The following ASTN2 variants were observed in gnomAD, a reference collection of about 807,000 sequenced individuals.
ASTN2 encodes the protein astrotactin-2.
A neutral mutation model predicts 139.8 loss-of-function variants in ASTN2; 54 were observed. That is an observed-to-expected ratio of 0.39 (90% CI 0.31 to 0.48). ASTN2 has a LOEUF of 0.48. Among genes scored for constraint, ASTN2 ranks in the 20% least tolerant of loss-of-function variants. The probability of loss-of-function intolerance (pLI) is 0.95; values close to 1 mark genes in which losing one functional copy is unlikely to be tolerated. For synonymous variants in ASTN2, 756 were observed against 719.5 expected (o/e 1.05, Z -0.81); for missense variants, 1,565 against 1,725.1 (o/e 0.91, Z 1.64).
chr9:116,435,905 C>A (rs887588700), intron 22 of ASTN2, among the ~76,000 whole-genome samples: 1 of 151,896 alleles, frequency 6.6e-6, no homozygotes, highest in East Asian at 1.9e-4. Flanking sequence ...AGACCTAACC[C>A]AGACTACTGA....
chr9:116,651,299 T>C (rs1032023690), intron 17 of ASTN2, among the ~76,000 whole-genome samples: 3 of 152,140 alleles, frequency 2.0e-5, no homozygotes, highest in African/African-American at 7.2e-5. Context: ...ACAAAAACCT[T>C]GATTGTATTA....
intron 16 of ASTN2, among the ~76,000 whole-genome samples, chr9:116,675,521 T>G (rs1407163362): frequency 6.6e-6 from 1 of 152,158 alleles, no homozygotes; most frequent in Non-Finnish European, 1.5e-5. Flanking sequence ...AGTCTTGGTT[T>G]GGGAGACTTC....
chr9:116,466,982 G>C (rs1848665842), intron 20 of ASTN2, among the ~76,000 whole-genome samples: 1 of 152,120 alleles, frequency 6.6e-6, no homozygotes, highest in Non-Finnish European at 1.5e-5. Context: ...TATTTCTGCA[G>C]TTCTCAATGT....
intron 16 of ASTN2, among the ~76,000 whole-genome samples, chr9:116,668,052 C>A (rs985780985): frequency 6.6e-6 from 1 of 152,086 alleles, no homozygotes; most frequent in African/African-American, 2.4e-5. Context: ...CCTAAAAATA[C>A]GGTGTGCTCC....
At chr9:117,264,785 C>A (rs1049217136) in intron 2 of ASTN2, among the ~76,000 whole-genome samples, 1 of 152,132 alleles carries the variant, frequency 6.6e-6, no homozygotes, top group African/African-American at 2.4e-5. Context: ...TGCTTGTTTG[C>A]TTTTGAAAAT....
rs142338825 is a variant in ASTN2 at position 116,608,356 on chromosome 9, G to T, written c.3355+9968C>A. 4.6e-3 allele frequency among the ~76,000 whole-genome samples: 694 copies of T among 152,252 alleles called. 5 individuals are homozygous for T. Among genetic ancestry groups the T allele is most frequent in the African/African-American group, 0.016 (660 of 41,542 alleles). Reference sequence around the variant, plus strand: ...ATGCCTGAGGCTCATACAAGGGCCAGTAATAGTGCCTGTCTCTACCAGCCA... The same window carrying T: ...ATGCCTGAGGCTCATACAAGGGCCATTAATAGTGCCTGTCTCTACCAGCCA... On this transcript the variant is annotated intron_variant, in intron 19 of 22. Transcript: ENST00000313400.
chr9:117,076,971 T>G (rs1255024006), intron 5 of ASTN2, among the ~76,000 whole-genome samples: 1 of 150,798 alleles, frequency 6.6e-6, no homozygotes, highest in South Asian at 2.1e-4. Flanking sequence ...GGCCCTTATC[T>G]TGACAGTGAA....
chr9:116,623,062 C>CAA (rs776741765), intron 17 of ASTN2, among the ~76,000 whole-genome samples: 24 of 151,844 alleles, frequency 1.6e-4, no homozygotes, highest in Non-Finnish European at 3.2e-4. Context: ...ATTAACATAA[C>CAA]GGTGAAACCC....
chr9:117,404,962 G>C (rs1726489527), intron 1 of ASTN2, among the ~76,000 whole-genome samples: 1 of 152,144 alleles, frequency 6.6e-6, no homozygotes, highest in African/African-American at 2.4e-5. Flanking sequence ...GAGTTTGCTT[G>C]TCAAGTGGGT....
At chr9:116,914,579 A>T (rs934389540) in intron 10 of ASTN2, among the ~76,000 whole-genome samples, 2 of 140,306 alleles carry the variant, frequency 1.4e-5, no homozygotes, top group Non-Finnish European at 3.1e-5. Context: ...TTATTTATAT[A>T]TATTTTTTTT....
intron 16 of ASTN2, among the ~76,000 whole-genome samples, chr9:116,655,712 T>G (rs1389372695): frequency 6.6e-5 from 10 of 152,238 alleles, no homozygotes; most frequent in Non-Finnish European, 1.5e-5. Flanking sequence ...TTTATATATA[T>G]ACAGCGTCTC....
chr9:116,502,507 T>C (rs984945038), intron 19 of ASTN2, among the ~76,000 whole-genome samples: 1 of 135,488 alleles, frequency 7.4e-6, no homozygotes, highest in African/African-American at 2.7e-5. Context: ...GAAATAAAAA[T>C]GCAGAAAAAA....
At chr9:117,031,994 AAGAT>A (rs1838260065) in intron 6 of ASTN2, among the ~76,000 whole-genome samples, 1 of 152,152 alleles carries the variant, frequency 6.6e-6, no homozygotes, top group African/African-American at 2.4e-5. Flanking sequence ...TTGTTAATAA[AAGAT>A]AGGAGAGAGC....
intron 4 of ASTN2, among the ~76,000 whole-genome samples, chr9:117,138,417 T>C (rs1202005617): frequency 1.3e-5 from 2 of 152,194 alleles, no homozygotes; most frequent in African/African-American, 2.4e-5. Context: ...TTTGCTGTGT[T>C]GGTGAAACGT....
intron 11 of ASTN2, among the ~76,000 whole-genome samples, chr9:116,824,543 C>T (rs1031081059): frequency 5.9e-5 from 9 of 152,360 alleles, no homozygotes; most frequent in Non-Finnish European, 1.2e-4. Flanking sequence ...AATACACTAT[C>T]CAGCCCCAAT....
chr9:116,576,430 G>A (rs1161469024), intron 19 of ASTN2, among the ~76,000 whole-genome samples: 1 of 152,164 alleles, frequency 6.6e-6, no homozygotes, highest in Middle Eastern at 3.2e-3. Context: ...CAAGCCCATA[G>A]TATTTTAGCC....
intron 13 of ASTN2, among the ~76,000 whole-genome samples, chr9:116,795,257 C>G (rs746741520): frequency 6.6e-6 from 1 of 152,202 alleles, no homozygotes; most frequent in Non-Finnish European, 1.5e-5. Flanking sequence ...GGATTACAGG[C>G]GTGAGCCACT....
chr9:116,426,141 G>A, intron 22 of ASTN2, 53 bp from the exon 23 acceptor site: 1 of 1,591,354 alleles, frequency 6.3e-7, no homozygotes. Context: ...TCAAGAGTTA[G>A]ACCTTTGAGG....
chr9:117,270,960 G>T (rs932467767), intron 2 of ASTN2, among the ~76,000 whole-genome samples: 2 of 152,120 alleles, frequency 1.3e-5, no homozygotes, highest in South Asian at 2.1e-4. Flanking sequence ...TCTCTTCAAA[G>T]CTTCTCACTC....
Sources: allele counts gnomAD v4.1 joint callset (sites outside exome capture counted in the v4.1 genomes callset), GRCh38; gene constraint gnomAD v4.1.1; transcripts MANE v1.5; gene names NCBI Gene and HGNC (gene_info 2026-07-23, HGNC 2026-07-21).